ZSWIM9: variants seen among roughly 807,000 people sequenced by gnomAD.
The protein encoded by ZSWIM9 is uncharacterized protein ZSWIM9.
ZSWIM9 carries 11 observed loss-of-function variants against 25.0 expected under a neutral mutation model. The ratio of observed to expected loss-of-function variants is 0.44; its 90% CI spans 0.28 to 0.73. The LOEUF is 0.73. Ranked by LOEUF, ZSWIM9 falls within the 30% of genes least tolerant of loss-of-function variation. The pLI, the probability that ZSWIM9 is intolerant of heterozygous loss-of-function variation, is 0.16. For missense variants in ZSWIM9, 1,070 were observed against 1,296.5 expected, an observed-to-expected ratio of 0.83 and a Z score of 2.68; for synonymous variants, 562 against 582.1, an observed-to-expected ratio of 0.97 and a Z score of 0.50.
At chr19:48,174,829 A>G (rs1215485987) in intron 2 of ZSWIM9, 2 of 152,224 alleles carry the variant, frequency 1.3e-5, no homozygotes, top group Non-Finnish European at 2.9e-5. Flanking sequence ...CCCAGTTCCA[A>G]TGTAACAAAT....
At chr19:48,190,203 C>CA (rs34456808) in intron 3 of ZSWIM9, among the ~76,000 whole-genome samples, 4,677 of 130,552 alleles carry the variant, frequency 0.036, 89 homozygotes, top group Non-Finnish European at 0.047. Context: ...GACTCCATCT[C>CA]AAAAAAAAAA....
rs1168574837 is a variant in ZSWIM9, at chr19:48,172,086, A to T, written c.275+9A>T. ...AGCCGGCCCGCCGTGGGGTGCGTGA[A>T]CCTGAGCCGCTGTCCTGCTGGGGGG... On this transcript the variant is annotated intron_variant, in intron 2 of 3. Coordinates refer to ENST00000614654, the MANE Select transcript of ZSWIM9 (RefSeq NM_199341.4). 7.1e-6 allele frequency: 9 copies of T among 1,259,410 alleles called. No individual in the cohort carries two copies. Among genetic ancestry groups the T allele is most frequent in the Non-Finnish European group, 7.2e-6 (7 of 971,002 alleles). 78.0% of individuals were successfully genotyped at this position (1,259,410 alleles called of 1,614,324 possible). A position where few individuals can be genotyped will look rare whatever the true frequency, so the allele number is the denominator to read the frequency against.
chr19:48,176,476 GA>G (rs1230263205), intron 2 of ZSWIM9, among the ~76,000 whole-genome samples: 12 of 152,110 alleles, frequency 7.9e-5, no homozygotes, highest in Non-Finnish European at 1.8e-4. Flanking sequence ...AGCTAAGAGG[GA>G]AAACCAGGGT....
chr19:48,172,105 TG>T, intron 2 of ZSWIM9, 28 bp downstream of exon 2: 4 of 636,962 alleles, frequency 6.3e-6, no homozygotes, highest in Non-Finnish European at 8.6e-6. Context: ...GCTGTCCTGC[TG>T]GGGGGAAGGG....
chr19:48,187,172 T>C (rs1280826039), intron 3 of ZSWIM9, among the ~76,000 whole-genome samples: 2 of 148,692 alleles, frequency 1.3e-5, no homozygotes, highest in Admixed American at 1.4e-4. Flanking sequence ...TCCAAAGTTC[T>C]GTCCCTATCA....
chr19:48,195,829 G>T lies in ZSWIM9; in HGVS notation c.1765G>T (p.Gly589Ter). 6.8e-7 allele frequency: 1 copy of T among 1,475,944 alleles called. No homozygotes were observed. Among genetic ancestry groups the T allele is most frequent in the Non-Finnish European group, 8.9e-7 (1 of 1,119,912 alleles). The allele number at this position is 1,475,944 out of a possible 1,614,324, so 91.4% of individuals were successfully genotyped here. The change falls in exon 4 of 4, where the codon GGA (glycine) becomes TGA (stop). Residue 589 changes from glycine to a stop codon, truncating the protein, a stop_gained. Coordinates refer to ENST00000614654, the MANE Select transcript of ZSWIM9 (RefSeq NM_199341.4). LOFTEE classifies it low-confidence loss of function (END_TRUNC). The surrounding 1 kb of genome is among the most constrained non-coding windows in gnomAD (Gnocchi z 5.8). The part of the protein sequence containing the change: ...GSQLEDQALR[G>*]LEGYTWRVAQ... ...CCAGTTGGAGGACCAGGCGCTAAGA[G>T]GATTGGAAGGGTATACCTGGAGGGT...
At position 48,195,414 on chromosome 19, in the gene ZSWIM9, G is replaced by T; in HGVS notation, c.1350G>T (p.Gly450=). ...GEAVPEGPDG[G]GPWLEDEPGR... is the part of the protein sequence containing the mutation. Reference sequence around the variant, plus strand: ...CGGTGCCCGAGGGGCCCGATGGCGGGGGGCCTTGGCTGGAGGATGAGCCAG... The same window carrying T: ...CGGTGCCCGAGGGGCCCGATGGCGGTGGGCCTTGGCTGGAGGATGAGCCAG... The change falls in exon 4 of 4, where the codon GGG becomes GGT. Residue 450 remains glycine, a synonymous_variant. Coordinates refer to ENST00000614654, the MANE Select transcript of ZSWIM9 (RefSeq NM_199341.4). The surrounding 1 kb of genome is among the most constrained non-coding windows in gnomAD (Gnocchi z 5.8). 2 of 1,460,872 alleles carry T rather than the reference G, an allele frequency of 1.4e-6. No individual in the cohort carries two copies. Among genetic ancestry groups the T allele is most frequent in the South Asian group, 2.8e-5 (2 of 70,932 alleles). The allele number at this position is 1,460,872 out of a possible 1,614,324, so 90.5% of individuals were successfully genotyped here. A position where few individuals can be genotyped will look rare whatever the true frequency, so the allele number is the denominator to read the frequency against.
In ZSWIM9 at chr19:48,193,973, A is replaced by G. The variant is rs138746972; in HGVS notation, c.589-680A>G. On this transcript the variant is annotated intron_variant, in intron 3 of 3. Coordinates refer to ENST00000614654, the MANE Select transcript of ZSWIM9 (RefSeq NM_199341.4). Reference sequence around the variant, plus strand: ...TCACCACTGTCCTGCCTCTCAGTGCATGGAGAAATGAATGTTCAGTGCCTA... The same window carrying G: ...TCACCACTGTCCTGCCTCTCAGTGCGTGGAGAAATGAATGTTCAGTGCCTA... Among the ~76,000 whole-genome samples the G allele has an allele frequency of 3.2e-3, 485 of 152,294 alleles. 1 individual carries two copies. Among genetic ancestry groups the G allele is most frequent in the Non-Finnish European group, 5.7e-3 (391 of 68,018 alleles).
chr19:48,185,667 G>C (rs78002556), intron 3 of ZSWIM9, among the ~76,000 whole-genome samples: 1 of 152,108 alleles, frequency 6.6e-6, no homozygotes, highest in Non-Finnish European at 1.5e-5. Flanking sequence ...GCACTGCCCG[G>C]TGGAACTTTC....
At chr19:48,180,782 G>C (rs1203375551) in intron 2 of ZSWIM9, 1 of 146,494 alleles carries the variant, frequency 6.8e-6, no homozygotes, top group Non-Finnish European at 1.5e-5. Context: ...TTTGAGACAG[G>C]GTCTCGCTCT....
intron 1 of ZSWIM9, chr19:48,171,347 A>G (rs1299444049): frequency 1.0e-6 from 1 of 985,288 alleles, no homozygotes; most frequent in African/African-American, 1.7e-5. Flanking sequence ...CTGTTGGCAC[A>G]TGGAAGGAGG....
At chr19:48,177,761 C>G (rs946282665) in intron 2 of ZSWIM9, among the ~76,000 whole-genome samples, 1 of 152,226 alleles carries the variant, frequency 6.6e-6, no homozygotes, top group Admixed American at 6.5e-5. Flanking sequence ...GGGTGGCATA[C>G]CGTGAACTTG....
At chr19:48,187,443 T>TTA (rs1402772531) in intron 3 of ZSWIM9, among the ~76,000 whole-genome samples, 4,317 of 82,746 alleles carry the variant, frequency 0.052, 735 homozygotes, top group South Asian at 0.071. Context: ...ATTATATATA[T>TTA]TATATATTAT....
chr19:48,193,800 ATC>A (rs1244749373), intron 3 of ZSWIM9, among the ~76,000 whole-genome samples: 1 of 152,218 alleles, frequency 6.6e-6, no homozygotes, highest in Admixed American at 6.5e-5. Context: ...GCTTGAATGC[ATC>A]TCATCTTTCC....
At chr19:48,190,529 C>G (rs906264720) in intron 3 of ZSWIM9, 1 of 154,854 alleles carries the variant, frequency 6.5e-6, no homozygotes, top group African/African-American at 2.4e-5. Context: ...AAGGCTTCTC[C>G]TTGGATGCGA....
At chr19:48,174,064 G>T (rs1311797489) in intron 2 of ZSWIM9, among the ~76,000 whole-genome samples, 1 of 151,850 alleles carries the variant, frequency 6.6e-6, no homozygotes, top group Non-Finnish European at 1.5e-5. Context: ...GCCCAGGTTT[G>T]CCCCAAACCC....
rs1273917454 is a variant in ZSWIM9 at position 48,182,613 on chromosome 19, GC to G, written c.436del (p.Leu146CysfsTer52). The G allele has an allele frequency of 6.5e-7, 1 of 1,535,834 alleles. No individual in the cohort carries two copies. The highest frequency in any genetic ancestry group is 2.4e-5 in the East Asian group (1 of 40,896). ...CCGGGCCACCTGCTGGCCAACGCCT[GC>G]CTGCCGGTGCGCACCACCAACAAGA... ...FRPGHLLANACLPVRTTNKIS... is the reference protein window; with the variant it reads ...FRPGHLLANAXLPVRTTNKIS... On this transcript the variant is annotated frameshift_variant, in exon 3 of 4. Transcript: ENST00000614654. LOFTEE classifies it high-confidence loss of function. The surrounding 1 kb of genome is among the most constrained non-coding windows in gnomAD (Gnocchi z 4.6).
intron 2 of ZSWIM9, among the ~76,000 whole-genome samples, chr19:48,178,393 G>A (rs201804230): frequency 6.6e-6 from 1 of 152,126 alleles, no homozygotes; most frequent in East Asian, 1.9e-4. Context: ...GGATCCTGGG[G>A]AGAATCACCC....
At chr19:48,186,883 C>T (rs969547185) in intron 3 of ZSWIM9, 3 of 152,348 alleles carry the variant, frequency 2.0e-5, no homozygotes, top group African/African-American at 7.2e-5. Context: ...TCCCCAAAGC[C>T]AGCGGCCCCT....
Sources: gnomAD v4.1 joint callset for allele counts (sites outside exome capture counted in the v4.1 genomes callset) on GRCh38, gnomAD v4.1.1 for gene constraint, Gnocchi (gnomAD v3.1) non-coding constraint, MANE v1.5 for transcripts, NCBI Gene and HGNC (gene_info 2026-07-23, HGNC 2026-07-21) for gene names.